Variants in RCBTB2 observed in about 807,000 individuals in gnomAD.
RCBTB2 encodes RCC1 and BTB domain containing protein 2, also known as RCC1 and BTB domain-containing protein 2.
A neutral mutation model predicts 65.4 loss-of-function variants in RCBTB2; 55 were observed. The ratio of observed to expected loss-of-function variants is 0.84; its 90% confidence interval spans 0.68 to 1.05. The LOEUF (loss-of-function observed/expected upper bound fraction) is 1.05. RCBTB2 is among the 50% of genes least tolerant of loss of function. RCBTB2 has a pLI of 0.00. For synonymous variants in RCBTB2, 220 were observed against 255.2 expected (o/e 0.86, Z 1.31); for missense variants, 599 against 680.1 (o/e 0.88, Z 1.33).
intron 1 of RCBTB2, chr13:48,532,688 C>G (rs1952219354): frequency 3.7e-6 from 1 of 267,052 alleles, no homozygotes; most frequent in South Asian, 3.0e-5. Context: ...CGCAGCGCAG[C>G]CTGGGCCGGC....
chr13:48,514,713 C>T (rs574790251), intron 6 of RCBTB2, among the ~76,000 whole-genome samples: 51 of 152,298 alleles, frequency 3.3e-4, no homozygotes, highest in African/African-American at 1.2e-3. Flanking sequence ...TGGTTACAAC[C>T]TTTTGGGGAG....
upstream of RCBTB2, among the ~76,000 whole-genome samples, chr13:48,534,122 C>CA: frequency 6.6e-6 from 1 of 152,256 alleles, no homozygotes; most frequent in Non-Finnish European, 1.5e-5. Flanking sequence ...AGGAGGCACG[C>CA]AAAATGGTAC....
chr13:48,507,470 T>A (rs1156372807), intron 10 of RCBTB2, among the ~76,000 whole-genome samples: 4 of 152,166 alleles, frequency 2.6e-5, no homozygotes, highest in African/African-American at 9.7e-5. Flanking sequence ...TAGCCAATCT[T>A]AATGGGAAAA....
At position 48,493,225 on chromosome 13, in the gene RCBTB2, TCACACACACACA is replaced by T. The variant is rs3085589; in HGVS notation, c.1515+2954_1515+2965del. ...TATACAGCCTCCTAAGTACCCTCCT[TCACACACACACA>T]CACACACACACACACACACACACTC... On this transcript the variant is annotated intron_variant, in intron 14 of 14. Coordinates refer to ENST00000344532, the MANE Select transcript of RCBTB2 (RefSeq NM_001268.4). Among the ~76,000 whole-genome samples the T allele has an allele frequency of 4.7e-4, 51 of 109,154 alleles. No individual in the cohort carries two copies. The East Asian group carries it at 0.012, about 26-fold the overall frequency. 71.6% of individuals were successfully genotyped at this position (109,154 alleles called of 152,430 possible).
Position 48,502,830 on chromosome 13 carries a change from G to T in RCBTB2, c.1011C>A (p.Cys337Ter), listed in dbSNP as rs1950303913. ...QGGHVYMWGQ[C>*]RGQSVILPHL... ...GCGGGAGGATCACGGACTGACCCCG[G>T]CACTGGCCCCACATGTACACGTGCC... The change falls in exon 11 of 15, where the codon TGC becomes TGA. Residue 337 changes from cysteine (C) to a stop codon, truncating the protein, a stop_gained. Coordinates refer to ENST00000344532, the MANE Select transcript of RCBTB2 (RefSeq NM_001268.4). LOFTEE classifies it high-confidence loss of function. The T allele has an allele frequency of 6.2e-7, 1 of 1,614,064 alleles. No homozygotes were observed. Among genetic ancestry groups the T allele is most frequent in the African/African-American group, 1.3e-5 (1 of 74,916 alleles).
At position 48,502,817 on chromosome 13, in the gene RCBTB2, C is replaced by T. The variant is rs757906491; in HGVS notation, c.1024G>A (p.Val342Met). Reference sequence around the variant, plus strand: ...AAGTGGGTGAGGTGCGGGAGGATCACGGACTGACCCCGGCACTGGCCCCAC... The same window carrying T: ...AAGTGGGTGAGGTGCGGGAGGATCATGGACTGACCCCGGCACTGGCCCCAC... ...YMWGQCRGQS[V>M]ILPHLTHFSC... The change falls in exon 11 of 15, where the codon GTG (valine) becomes ATG (methionine). Residue 342 changes from valine to methionine, a missense_variant. Physicochemically the swap from Val to Met is conservative, Grantham distance 21 (BLOSUM62 1). Transcript: ENST00000344532. The T allele has an allele frequency of 6.8e-6, 11 of 1,614,198 alleles. No homozygotes were observed. Among genetic ancestry groups the T allele is most frequent in the Admixed American group, 3.3e-5 (2 of 60,024 alleles).
At chr13:48,523,664 G>A (rs1951546677) in intron 2 of RCBTB2, among the ~76,000 whole-genome samples, 1 of 152,098 alleles carries the variant, frequency 6.6e-6, no homozygotes, top group Admixed American at 6.6e-5. Flanking sequence ...GGAGAGAAGA[G>A]AAAAAAGAAG....
chr13:48,533,082 C>T (rs759636619), upstream of RCBTB2: 2 of 452,700 alleles, frequency 4.4e-6, no homozygotes, highest in East Asian at 7.2e-5. Context: ...GGTTACTGCA[C>T]GGTCAGGGGC....
Position 48,521,975 on chromosome 13 carries a change from T to C in RCBTB2, c.-23-13A>G, listed in dbSNP as rs1420341972. On this transcript the variant is annotated splice_polypyrimidine_tract_variant and intron_variant, in intron 3 of 14. Transcript: ENST00000344532. ...TCCTGGGCAGTCCCTGAGGAAAAAG[T>C]ATGTGGTAAAATCAGGATCCCTTAT... The C allele has an allele frequency of 1.2e-6, 2 of 1,611,174 alleles. No homozygotes were observed. Among genetic ancestry groups the C allele is most frequent in the East Asian group, 2.2e-5 (1 of 44,852 alleles).
chr13:48,512,921 G>GT (rs1176557740), intron 6 of RCBTB2, 26 bp from the exon 7 acceptor site: 1 of 1,588,418 alleles, frequency 6.3e-7, no homozygotes, highest in Non-Finnish European at 8.6e-7. Context: ...AAGACAATCA[G>GT]TTTTTTACAA....
rs1949995883 is a variant in RCBTB2, at chr13:48,496,787, A to AGAAGAGGGGAGGGGAGAAGG, written c.1385-467_1385-466insCCTTCTCCCCTCCCCTCTTC. Among the ~76,000 whole-genome samples the AGAAGAGGGGAGGGGAGAAGG allele has an allele frequency of 5.8e-5, 7 of 120,824 alleles. No homozygotes were observed. The Admixed American group carries it at 6.2e-4, about 11-fold the overall frequency. The allele number at this position is 120,824 out of a possible 152,430, so 79.3% of individuals were successfully genotyped here. ...AGGGGAGGGGAAGGGAGGGGAGAAGAGAAGAGGGGAGGGGAGAGGAGGGGA... is the reference window on the plus strand; with the variant it reads ...AGGGGAGGGGAAGGGAGGGGAGAAGAGAAGAGGGGAGGGGAGAAGGGAAGAGGGGAGGGGAGAGGAGGGGA... On this transcript the variant is annotated intron_variant, in intron 13 of 14. Transcript: ENST00000344532.
At chr13:48,496,165 G>A (rs376730128) in intron 14 of RCBTB2, 26 bp downstream of exon 14, 11 of 1,421,730 alleles carry the variant, frequency 7.7e-6, no homozygotes, top group East Asian at 2.6e-5. Context: ...CCAGGAGGCC[G>A]GCAGCTGGAA....
chr13:48,498,114 G>A (rs888814525), intron 13 of RCBTB2, among the ~76,000 whole-genome samples: 2 of 152,202 alleles, frequency 1.3e-5, no homozygotes, highest in Non-Finnish European at 2.9e-5. Flanking sequence ...GCCCAAAAGG[G>A]TAACCTGGGT....
intron 10 of RCBTB2, among the ~76,000 whole-genome samples, chr13:48,509,223 A>G (rs1431269787): frequency 6.6e-6 from 1 of 152,154 alleles, no homozygotes; most frequent in African/African-American, 2.4e-5. Context: ...GCTACTCCAG[A>G]GGCTAAGGTG....
At chr13:48,490,347 A>G in intron 14 of RCBTB2, 96 bp from the exon 15 acceptor site, 1 of 962,676 alleles carries the variant, frequency 1.0e-6, no homozygotes, top group Non-Finnish European at 1.6e-6. Flanking sequence ...GCAAAGAAAA[A>G]GGATTTAATA....
At chr13:48,509,810 C>T (rs899253504) in intron 10 of RCBTB2, among the ~76,000 whole-genome samples, 9 of 152,142 alleles carry the variant, frequency 5.9e-5, no homozygotes, top group African/African-American at 1.4e-4. Context: ...TAGAAAAGAA[C>T]TGCATATAAA....
intron 2 of RCBTB2, 43 bp from the exon 3 acceptor site, chr13:48,522,446 A>C (rs1951482377): frequency 1.2e-6 from 1 of 843,288 alleles, no homozygotes; most frequent in Non-Finnish European, 1.9e-6. Context: ...GATGAAAAAA[A>C]TGAATGAATG....
chr13:48,535,663 T>C (rs1952353585), upstream of RCBTB2: 2 of 456,550 alleles, frequency 4.4e-6, no homozygotes, highest in South Asian at 3.1e-5. Flanking sequence ...AAATCAGTGG[T>C]TACTTTTCCA....
At position 48,499,435 on chromosome 13, in the gene RCBTB2, CTCTCT is replaced by C. The variant is rs1950133533; in HGVS notation, c.1384+181_1384+185del. 9.8e-5 allele frequency among the ~76,000 whole-genome samples: 15 copies of C among 152,322 alleles called. No homozygotes were observed. The South Asian group carries it at 3.1e-3, about 32-fold the overall frequency. ...ACGGTGGTGATGATTTGATTCTTCT[CTCTCT>C]TATCTGTCCAGTCAACCTTTGTAAT... On this transcript the variant is annotated intron_variant, in intron 13 of 14. Coordinates refer to ENST00000344532, the MANE Select transcript of RCBTB2 (RefSeq NM_001268.4).
Sources: allele counts gnomAD v4.1 joint callset (sites outside exome capture counted in the v4.1 genomes callset), GRCh38; gene constraint gnomAD v4.1.1; transcripts MANE v1.5; gene names NCBI Gene and HGNC (gene_info 2026-07-23, HGNC 2026-07-21).